Variants in CDK14 observed in about 807,000 individuals in gnomAD.
The protein encoded by CDK14 is cyclin dependent kinase 14, also known as cyclin-dependent kinase 14.
A neutral mutation model predicts 60.7 loss-of-function variants in CDK14; 34 were observed. The ratio of observed to expected loss-of-function variants is 0.56; its 90% CI spans 0.43 to 0.75. The LOEUF (loss-of-function observed/expected upper bound fraction) is 0.75. Among genes scored for constraint, CDK14 ranks in the 30% least tolerant of loss-of-function variants. CDK14 has a pLI of 0.00. For missense variants in CDK14, 482 were observed against 564.1 expected, an observed-to-expected ratio of 0.85 and a Z score of 1.47; for synonymous variants, 197 against 203.7, an observed-to-expected ratio of 0.97 and a Z score of 0.28.
intron 2 of CDK14, among the ~76,000 whole-genome samples, chr7:90,646,912 A>T (rs1800482220): frequency 6.6e-6 from 1 of 152,208 alleles, no homozygotes; most frequent in Non-Finnish European, 1.5e-5. Context: ...TATACATTTA[A>T]AATTATAATA....
At chr7:91,094,947 T>C (rs1798937150) in intron 12 of CDK14, among the ~76,000 whole-genome samples, 1 of 152,124 alleles carries the variant, frequency 6.6e-6, no homozygotes, top group African/African-American at 2.4e-5. Flanking sequence ...TGTAAACTGG[T>C]AAATGTGAAA....
intron 9 of CDK14, among the ~76,000 whole-genome samples, chr7:90,969,438 G>C (rs1228913236): frequency 1.3e-5 from 2 of 152,172 alleles, no homozygotes; most frequent in African/African-American, 4.8e-5. Context: ...TCTTGAAAAA[G>C]ATTGCTTGAT....
chr7:91,065,135 CT>C (rs1273176656), intron 11 of CDK14, among the ~76,000 whole-genome samples: 19 of 152,166 alleles, frequency 1.2e-4, no homozygotes, highest in African/African-American at 4.1e-4. Context: ...GAAAAGCATG[CT>C]GTTAGTAATT....
chr7:90,816,396 A>G (rs974359192), intron 5 of CDK14, among the ~76,000 whole-genome samples: 2 of 152,338 alleles, frequency 1.3e-5, no homozygotes, highest in Admixed American at 6.5e-5. Flanking sequence ...CTGTTATTCT[A>G]CTAAAAAGAT....
intron 6 of CDK14, among the ~76,000 whole-genome samples, chr7:90,894,784 T>G (rs1792242954): frequency 6.6e-6 from 1 of 152,222 alleles, no homozygotes; most frequent in African/African-American, 2.4e-5. Context: ...AATGTTCTTT[T>G]GTACCCACCA....
At chr7:90,856,118 A>G (rs943236002) in intron 5 of CDK14, among the ~76,000 whole-genome samples, 9 of 152,234 alleles carry the variant, frequency 5.9e-5, no homozygotes, top group African/African-American at 1.9e-4. Flanking sequence ...ATATTTTAAA[A>G]GTATTCCTAA....
chr7:91,058,288 A>G (rs1471245999), intron 11 of CDK14, among the ~76,000 whole-genome samples: 9 of 152,080 alleles, frequency 5.9e-5, no homozygotes, highest in African/African-American at 2.2e-4. Flanking sequence ...GTTGCTTATC[A>G]GCTTAAGGAG....
chr7:91,135,966 T>C (rs1351917235), intron 14 of CDK14, among the ~76,000 whole-genome samples: 3 of 152,166 alleles, frequency 2.0e-5, no homozygotes, highest in Non-Finnish European at 4.4e-5. Context: ...CTTGTGTCTT[T>C]CTTTGCCAGC....
intron 8 of CDK14, among the ~76,000 whole-genome samples, chr7:90,938,542 G>T (rs1474037525): frequency 1.3e-5 from 2 of 152,072 alleles, no homozygotes; most frequent in Non-Finnish European, 2.9e-5. Flanking sequence ...GCCAACAAAT[G>T]ACCTCATCAT....
chr7:90,868,280 A>G lies in CDK14; in HGVS notation c.639+5011A>G, dbSNP rs542741842. On this transcript the variant is annotated intron_variant, in intron 6 of 14. Transcript: ENST00000380050. ...ATACATATATATTACATATATATGT[A>G]TATATACACACTATATATATATACA... Among the ~76,000 whole-genome samples the G allele has an allele frequency of 1.4e-3, 203 of 148,798 alleles. 1 individual carries two copies. The highest frequency in any genetic ancestry group is 4.9e-3 in the African/African-American group (198 of 40,594).
chr7:90,850,650 G>A (rs1790619655), intron 5 of CDK14, among the ~76,000 whole-genome samples: 1 of 152,132 alleles, frequency 6.6e-6, no homozygotes, highest in Admixed American at 6.6e-5. Flanking sequence ...AAGACCATGG[G>A]GGATTGAAGA....
chr7:91,121,354 G>C (rs566339054), intron 14 of CDK14, among the ~76,000 whole-genome samples: 2 of 152,132 alleles, frequency 1.3e-5, no homozygotes, highest in African/African-American at 4.8e-5. Context: ...TGGGCCGGCC[G>C]GCATTTTAAC....
chr7:90,853,160 G>T (rs1296196458), intron 5 of CDK14, among the ~76,000 whole-genome samples: 1 of 152,088 alleles, frequency 6.6e-6, no homozygotes, highest in Non-Finnish European at 1.5e-5. Flanking sequence ...CTCTTTCACA[G>T]ATTTTAGAAT....
intron 4 of CDK14, among the ~76,000 whole-genome samples, chr7:90,765,121 G>A (rs1422641638): frequency 2.0e-5 from 3 of 152,286 alleles, no homozygotes; most frequent in Non-Finnish European, 4.4e-5. Flanking sequence ...GAAAGAAGAG[G>A]GAAATTGAGA....
At chr7:90,956,665 A>C (rs34610475) in intron 9 of CDK14, among the ~76,000 whole-genome samples, 7,870 of 151,960 alleles carry the variant, frequency 0.052, 299 homozygotes, top group Non-Finnish European at 0.078. Flanking sequence ...GCACAATGTG[A>C]AGGTTAGTTA....
rs554286045 is a variant in CDK14, at chr7:90,718,261, G to C, written c.124-8306G>C. Among the ~76,000 whole-genome samples, 3 of 152,118 alleles carry C rather than the reference G, an allele frequency of 2.0e-5. No individual in the cohort carries two copies. The East Asian group carries it at 5.8e-4, about 29-fold the overall frequency. Reference sequence around the variant, plus strand: ...GTCAGAGTTAAGGAAAATCTGAAAAGACTGGAGACATTAAGAGAAGTGTAT... The same window carrying C: ...GTCAGAGTTAAGGAAAATCTGAAAACACTGGAGACATTAAGAGAAGTGTAT... On this transcript the variant is annotated intron_variant, in intron 2 of 14. Coordinates refer to ENST00000380050, the MANE Select transcript of CDK14 (RefSeq NM_001287135.2).
At chr7:90,663,389 ATGAGT>A in intron 2 of CDK14, among the ~76,000 whole-genome samples, 4 of 152,164 alleles carry the variant, frequency 2.6e-5, no homozygotes, top group Non-Finnish European at 4.4e-5. Flanking sequence ...ATGTTAATGG[ATGAGT>A]CTTAGCACAG....
intron 6 of CDK14, among the ~76,000 whole-genome samples, chr7:90,871,655 C>T (rs1275326061): frequency 6.6e-6 from 1 of 152,156 alleles, no homozygotes; most frequent in African/African-American, 2.4e-5. Context: ...AGATTCACAT[C>T]AGGAATATTG....
intron 14 of CDK14, among the ~76,000 whole-genome samples, chr7:91,136,869 T>G (rs1440707028): frequency 6.6e-6 from 1 of 152,220 alleles, no homozygotes. Flanking sequence ...CATCTGGATT[T>G]CAAAATAAAG....
Sources: gnomAD v4.1 joint callset for allele counts (sites outside exome capture counted in the v4.1 genomes callset) on GRCh38, gnomAD v4.1.1 for gene constraint, MANE v1.5 for transcripts, NCBI Gene and HGNC (gene_info 2026-07-23, HGNC 2026-07-21) for gene names.